The following MAST1 variants were observed in gnomAD, a reference collection of about 807,000 sequenced individuals.
MAST1 encodes the protein microtubule associated serine/threonine kinase 1.
In MAST1, 40 loss-of-function variants were observed where a neutral mutation model predicts 124.6. That is an observed-to-expected ratio of 0.32 (90% CI 0.25 to 0.42). MAST1 has a LOEUF of 0.42. Among genes scored for constraint, MAST1 ranks in the 10% least tolerant of loss-of-function variants. The probability of loss-of-function intolerance (pLI) is 1.00; values close to 1 mark genes in which losing one functional copy is unlikely to be tolerated. For synonymous variants in MAST1, 938 were observed against 939.4 expected (o/e 1.00, Z 0.03); for missense variants, 1,558 against 2,181.9 (o/e 0.71, Z 5.70).
At chr19:12,857,776 C>T (rs925643564) in intron 10 of MAST1, among the ~76,000 whole-genome samples, 2 of 152,020 alleles carry the variant, frequency 1.3e-5, no homozygotes, top group Non-Finnish European at 2.9e-5. Context: ...GCCTGTAGTC[C>T]CTACTCTTTG....
chr19:12,873,030 G>A (rs1970257343), intron 24 of MAST1, among the ~76,000 whole-genome samples: 1 of 152,086 alleles, frequency 6.6e-6, no homozygotes, highest in Non-Finnish European at 1.5e-5. Context: ...TAGGTGGATT[G>A]TAGTGGAAGA....
intron 18 of MAST1, 92 bp from the exon 19 acceptor site, chr19:12,867,368 TCGGAGGGTGGAGTG>T: frequency 7.5e-7 from 1 of 1,324,808 alleles, no homozygotes; most frequent in South Asian, 1.3e-5. Context: ...GAGCCAGGCC[TCGGAGGGTGGAGTG>T]CGTTTTGCGG....
intron 7 of MAST1, among the ~76,000 whole-genome samples, chr19:12,849,411 C>T (rs938864932): frequency 3.3e-5 from 5 of 152,282 alleles, no homozygotes; most frequent in African/African-American, 1.2e-4. Flanking sequence ...CGCCTTTAAT[C>T]CCAGCACTTT....
rs751739538 is a variant in MAST1 at position 12,840,544 on chromosome 19, G to A, written c.172+10G>A. The A allele has an allele frequency of 2.3e-5, 37 of 1,606,922 alleles. No homozygotes were observed. Among genetic ancestry groups the A allele is most frequent in the African/African-American group, 4.0e-5 (3 of 74,810 alleles). On this transcript the variant is annotated intron_variant, in intron 2 of 25. Transcript: ENST00000251472. The stretch of plus-strand genomic sequence containing the variant: ...CTGCCAGGTCACCTAGGTGAGGCCA[G>A]TGGTAGAGACTTGGTGGGTGCAGAC...
Position 12,847,945 on chromosome 19 carries a change from A to G in MAST1, c.662A>G (p.His221Arg). ...PLADGVLSFI[H>R]HQIIELARDC... Reference sequence around the variant, plus strand: ...GCCGATGGCGTGCTCAGCTTCATCCACCACCAGATCATCGAGCTGGCCCGG... The same window carrying G: ...GCCGATGGCGTGCTCAGCTTCATCCGCCACCAGATCATCGAGCTGGCCCGG... Residue 221 changes from histidine to arginine, a missense_variant, in exon 7 of 26, where the codon CAC (histidine) becomes CGC (arginine). By Grantham distance (29) the His-to-Arg change is conservative. Coordinates refer to ENST00000251472, the MANE Select transcript of MAST1 (RefSeq NM_014975.3). The surrounding 1 kb of genome is among the most constrained non-coding windows in gnomAD (Gnocchi z 5.5). The G allele has an allele frequency of 6.2e-7, 1 of 1,613,988 alleles. No individual in the cohort carries two copies. Among genetic ancestry groups the G allele is most frequent in the Non-Finnish European group, 8.5e-7 (1 of 1,179,968 alleles).
In MAST1 at chr19:12,865,026, A is replaced by T; in HGVS notation, c.1506-20A>T. ...AGAATGGACGGGCCTCATCCCTGAG[A>T]TCCCCACCTGTGCCTACAGCCTCCT... On this transcript the variant is annotated intron_variant, in intron 13 of 25. Transcript: ENST00000251472. This position sits in a 1 kb window ranked among gnomAD's most constrained non-coding sequence, Gnocchi z 7.1. 6.2e-7 allele frequency: 1 copy of T among 1,613,770 alleles called. No individual in the cohort carries two copies. The highest frequency in any genetic ancestry group is 8.5e-7 in the Non-Finnish European group (1 of 1,179,766).
chr19:12,842,361 C>T (rs898566597), intron 3 of MAST1, among the ~76,000 whole-genome samples: 9 of 151,788 alleles, frequency 5.9e-5, no homozygotes, highest in African/African-American at 2.2e-4. Flanking sequence ...GGCGGGATCT[C>T]GGCTCACTGC....
Position 12,874,837 on chromosome 19 carries a change from A to T in MAST1, c.4680A>T (p.Lys1560Asn), listed in dbSNP as rs1249854097. ...TGCCCCCAGCAGGCCTGACCAAAAA[A>T]GGAGTGTCCAGTCCCGCACCCCCGG... Reference protein sequence around the residue: ...EAVPPAGLTKKGVSSPAPPGP With the variant: ...EAVPPAGLTKNGVSSPAPPGP Residue 1560 changes from lysine to asparagine, a missense_variant, in exon 26 of 26, where the codon AAA (lysine) becomes AAT (asparagine). Around this residue, in one of 10 missense-constraint regions of MAST1, gnomAD observed 168 missense variants for 154.3 expected, o/e 1.09. Transcript: ENST00000251472. This position sits in a 1 kb window ranked among gnomAD's most constrained non-coding sequence, Gnocchi z 6.6. 5.6e-6 allele frequency: 9 copies of T among 1,598,252 alleles called. No homozygotes were observed. The East Asian group carries it at 1.6e-4, about 28-fold the overall frequency.
chr19:12,864,074 G>A (rs1228159744), intron 12 of MAST1, among the ~76,000 whole-genome samples: 1 of 151,998 alleles, frequency 6.6e-6, no homozygotes, highest in African/African-American at 2.4e-5. Context: ...ACAGCCGTCT[G>A]CCAACAAGCC....
intron 10 of MAST1, among the ~76,000 whole-genome samples, chr19:12,856,289 A>G (rs1970016655): frequency 6.6e-6 from 1 of 150,960 alleles, no homozygotes; most frequent in Non-Finnish European, 1.5e-5. Context: ...ATGATTACAT[A>G]GTTTTATTTT....
intron 10 of MAST1, among the ~76,000 whole-genome samples, chr19:12,853,732 T>G (rs901085007): frequency 2.6e-5 from 4 of 151,590 alleles, no homozygotes; most frequent in Non-Finnish European, 5.9e-5. Flanking sequence ...TAGTTGGGCG[T>G]GGTGGCACAT....
intron 12 of MAST1, 24 bp from the exon 13 acceptor site, chr19:12,864,785 G>A (rs2242512): frequency 0.3 from 487,668 of 1,611,478 alleles, 79,189 homozygotes; most frequent in East Asian, 0.67. Context: ...CCCTTTTTAT[G>A]CGGGCCCATT....
At position 12,857,389 on chromosome 19, in the gene MAST1, G is replaced by A. The variant is rs539266056; in HGVS notation, c.1078-973G>A. On this transcript the variant is annotated intron_variant, in intron 10 of 25. Coordinates refer to ENST00000251472, the MANE Select transcript of MAST1 (RefSeq NM_014975.3). ...CTCCCAAAGTGCTGGGGTTACAAGC[G>A]TAAGCCACTGCACCTGGCCAAGAAT... is the stretch of plus-strand genomic sequence containing the variant. 2.0e-4 allele frequency among the ~76,000 whole-genome samples: 31 copies of A among 151,762 alleles called. 1 individual carries two copies. Among genetic ancestry groups the A allele is most frequent in the Admixed American group, 4.6e-4 (7 of 15,234 alleles).
chr19:12,839,325 G>A (rs1220617448), intron 1 of MAST1, among the ~76,000 whole-genome samples: 1 of 152,094 alleles, frequency 6.6e-6, no homozygotes, highest in Non-Finnish European at 1.5e-5. Flanking sequence ...CAGACACACA[G>A]GGGCACCACG....
intron 18 of MAST1, 63 bp from the exon 19 acceptor site, chr19:12,867,411 G>T (rs1970168596): frequency 1.3e-6 from 2 of 1,589,364 alleles, no homozygotes; most frequent in Non-Finnish European, 1.7e-6. Flanking sequence ...CTGCCAGGAA[G>T]CTGATTAGCT....
chr19:12,852,318 C>T lies in MAST1; in HGVS notation c.1010-10C>T. Reference sequence around the variant, plus strand: ...AACCCAGCTCGTGCTCACTCTCAGTCCCTCCCTAGATGTGGTGCATCTGGA... The same window carrying T: ...AACCCAGCTCGTGCTCACTCTCAGTTCCTCCCTAGATGTGGTGCATCTGGA... On this transcript the variant is annotated splice_polypyrimidine_tract_variant and intron_variant, in intron 9 of 25. Transcript: ENST00000251472. 2 of 1,614,112 alleles carry T rather than the reference C, an allele frequency of 1.2e-6. No individual in the cohort carries two copies. Among genetic ancestry groups the T allele is most frequent in the South Asian group, 1.1e-5 (1 of 91,078 alleles).
At chr19:12,868,103 A>ATCTTTTTTTTTTTT (rs1970181609) in intron 20 of MAST1, 126 bp downstream of exon 20, 1 of 291,090 alleles carries the variant, frequency 3.4e-6, no homozygotes, top group African/African-American at 4.4e-5. Flanking sequence ...GCAATTTGGG[A>ATCTTTTTTTTTTTT]TTTTTTTTTT....
At chr19:12,868,939 C>A in intron 21 of MAST1, 90 bp downstream of exon 21, 7 of 1,540,556 alleles carry the variant, frequency 4.5e-6, no homozygotes, top group South Asian at 1.2e-5. Flanking sequence ...CCCTGTCCAC[C>A]GTGATTGGCT....
rs754770609 is a variant in MAST1, at chr19:12,873,977, T to C, written c.3820T>C (p.Leu1274=). The change falls in exon 26 of 26, where the codon TTG becomes CTG. Residue 1274 remains leucine (L), a synonymous_variant. Coordinates refer to ENST00000251472, the MANE Select transcript of MAST1 (RefSeq NM_014975.3). ...VQSAEKLGAS[L]SADKKGALRK... Reference sequence around the variant, plus strand: ...GTCGGCCGAGAAGCTGGGAGCCTCTTTGAGTGCGGACAAGAAGGGCGCGCT... The same window carrying C: ...GTCGGCCGAGAAGCTGGGAGCCTCTCTGAGTGCGGACAAGAAGGGCGCGCT... The C allele has an allele frequency of 5.0e-6, 8 of 1,601,448 alleles. No homozygotes were observed. The African/African-American group carries it at 8.0e-5, about 16-fold the overall frequency.
Sources: allele counts gnomAD v4.1 joint callset (sites outside exome capture counted in the v4.1 genomes callset), GRCh38; gene constraint gnomAD v4.1.1; regional missense constraint gnomAD v4.1.1; non-coding constraint Gnocchi (gnomAD v3.1); transcripts MANE v1.5; gene names NCBI Gene and HGNC (gene_info 2026-07-23, HGNC 2026-07-21).